DSN1: variants seen among roughly 807,000 people sequenced by gnomAD.
DSN1 encodes the protein DSN1 component of MIS12 kinetochore complex, also known as kinetochore-associated protein DSN1 homolog.
Under a neutral mutation model 45.7 loss-of-function variants are expected in DSN1, and 31 were observed. The ratio of observed to expected loss-of-function variants is 0.68; its 90% CI spans 0.51 to 0.92. DSN1 has a LOEUF of 0.92. DSN1 is among the 40% of genes least tolerant of loss of function. The pLI, the probability that DSN1 is intolerant of heterozygous loss-of-function variation, is 0.00. For synonymous variants in DSN1, 134 were observed against 142.3 expected (o/e 0.94, Z 0.41); for missense variants, 394 against 414.2 (o/e 0.95, Z 0.42).
chr20:36,755,508 C>T (rs1028120853), intron 9 of DSN1, among the ~76,000 whole-genome samples, 174 bp downstream of exon 9: 2 of 151,970 alleles, frequency 1.3e-5, no homozygotes, highest in African/African-American at 4.8e-5. Context: ...CAGCATTTAC[C>T]ACTATATATT....
At chr20:36,754,091 G>A (rs558760090) in intron 10 of DSN1, among the ~76,000 whole-genome samples, 1 of 152,246 alleles carries the variant, frequency 6.6e-6, no homozygotes, top group South Asian at 2.1e-4. Context: ...ACTTTGGGAG[G>A]CTGAGGCAGG....
chr20:36,771,998 A>G (rs1987674335), intron 1 of DSN1, among the ~76,000 whole-genome samples: 1 of 152,188 alleles, frequency 6.6e-6, no homozygotes, highest in Non-Finnish European at 1.5e-5. Flanking sequence ...CTCCTGCCTC[A>G]GCCTCCTGAG....
chr20:36,759,346 C>G (rs1039856502), intron 6 of DSN1, among the ~76,000 whole-genome samples: 19 of 152,076 alleles, frequency 1.2e-4, no homozygotes, highest in African/African-American at 4.3e-4. Context: ...AACTCCTGGG[C>G]TCAAGTGATC....
Position 36,773,694 on chromosome 20 carries a change from GC to G in DSN1, c.-49del. 3.0e-6 allele frequency: 3 copies of G among 985,708 alleles called. No individual in the cohort carries two copies. Among genetic ancestry groups the G allele is most frequent in the Non-Finnish European group, 3.6e-6 (3 of 830,126 alleles). 61.1% of individuals were successfully genotyped at this position (985,708 alleles called of 1,614,324 possible). The stretch of plus-strand genomic sequence containing the variant: ...ACAAGGCCACGGGTCGCTCTCCACA[GC>G]CCCAGGTCACTCCTGGACGCCTTGC... On this transcript the variant is annotated 5_prime_UTR_variant, in exon 1 of 11. Transcript: ENST00000373750.
intron 5 of DSN1, among the ~76,000 whole-genome samples, chr20:36,765,630 C>A (rs1364627336): frequency 2.0e-5 from 3 of 151,570 alleles, no homozygotes; most frequent in African/African-American, 7.3e-5. Context: ...AACCCCGGCT[C>A]TACAAAAAAT....
chr20:36,762,488 A>ACAAAAAT lies in DSN1; in HGVS notation c.562_563insATTTTTG (p.Leu188HisfsTer8). On this transcript the variant is annotated frameshift_variant, in exon 6 of 11. Transcript: ENST00000373750. LOFTEE classifies it high-confidence loss of function. Reference sequence around the variant, plus strand: ...ATTTGAATCTTCAAAACATTTTTGTAGAGTTCCATCAGTTTCCAGTCCGTC... The same window carrying ACAAAAAT: ...ATTTGAATCTTCAAAACATTTTTGTACAAAAATGAGTTCCATCAGTTTCCAGTCCGTC... 3.1e-6 allele frequency: 5 copies of ACAAAAAT among 1,613,748 alleles called. No individual in the cohort carries two copies. Among genetic ancestry groups the ACAAAAAT allele is most frequent in the Non-Finnish European group, 4.2e-6 (5 of 1,179,830 alleles).
At chr20:36,759,270 C>T (rs1194809146) in intron 6 of DSN1, among the ~76,000 whole-genome samples, 1 of 151,832 alleles carries the variant, frequency 6.6e-6, no homozygotes, top group African/African-American at 2.4e-5. Context: ...CGTGAGCCAC[C>T]ACACCCAGCC....
chr20:36,753,635 C>CAAAAAAAAAA (rs1290145844), intron 10 of DSN1, among the ~76,000 whole-genome samples: 1 of 49,856 alleles, frequency 2.0e-5, no homozygotes. Context: ...GAGACTGTCT[C>CAAAAAAAAAA]AAAAAAAAAA....
chr20:36,757,870 T>C (rs773802671), intron 8 of DSN1, among the ~76,000 whole-genome samples: 13 of 152,310 alleles, frequency 8.5e-5, no homozygotes, highest in Middle Eastern at 6.8e-3. Flanking sequence ...ACAGAAACAA[T>C]TGTGTTCTTG....
intron 6 of DSN1, among the ~76,000 whole-genome samples, chr20:36,760,227 G>C (rs568413136): frequency 6.6e-6 from 1 of 151,680 alleles, no homozygotes; most frequent in East Asian, 2.0e-4. Flanking sequence ...CTGGCCAACA[G>C]AGCGAGACTC....
chr20:36,765,784 C>T (rs1375737543), intron 5 of DSN1, among the ~76,000 whole-genome samples: 2 of 133,222 alleles, frequency 1.5e-5, no homozygotes, highest in Non-Finnish European at 3.1e-5. Flanking sequence ...GGCGACAGAG[C>T]GAGAGTCTGT....
chr20:36,758,421 T>C, intron 7 of DSN1, 137 bp downstream of exon 7: 1 of 752,196 alleles, frequency 1.3e-6, no homozygotes, highest in Non-Finnish European at 2.2e-6. Context: ...AATCTCAATA[T>C]GCAGCCTTCT....
chr20:36,756,709 C>T (rs1235471182), intron 8 of DSN1, among the ~76,000 whole-genome samples: 1 of 150,668 alleles, frequency 6.6e-6, no homozygotes, highest in African/African-American at 2.5e-5. Flanking sequence ...GACTAAGTGA[C>T]TTGCCCAAGG....
Position 36,759,609 on chromosome 20 carries a change from G to A in DSN1, c.591-992C>T, listed in dbSNP as rs547337327. Among the ~76,000 whole-genome samples the A allele has an allele frequency of 6.0e-5, 9 of 151,246 alleles. No homozygotes were observed. The South Asian group carries it at 6.3e-4, about 11-fold the overall frequency. Reference sequence around the variant, plus strand: ...TGCCATTCTCCTGCCTCAGCCTCCCGAGTAGCTGGGACTACAGGCGCCCGC... The same window carrying A: ...TGCCATTCTCCTGCCTCAGCCTCCCAAGTAGCTGGGACTACAGGCGCCCGC... On this transcript the variant is annotated intron_variant, in intron 6 of 10. Coordinates refer to ENST00000373750, the MANE Select transcript of DSN1 (RefSeq NM_001145315.2).
intron 8 of DSN1, 120 bp from the exon 9 acceptor site, chr20:36,755,949 C>G (rs2148258360): frequency 1.7e-6 from 2 of 1,158,954 alleles, no homozygotes; most frequent in Middle Eastern, 3.0e-4. Flanking sequence ...TATAGGCTCA[C>G]TTCTTAACAG....
At position 36,771,464 on chromosome 20, in the gene DSN1, G is replaced by A. The variant is rs745551673; in HGVS notation, c.-6C>T. 1.2e-6 allele frequency: 2 copies of A among 1,613,470 alleles called. No individual in the cohort carries two copies. The highest frequency in any genetic ancestry group is 1.7e-6 in the Non-Finnish European group (2 of 1,179,614). On this transcript the variant is annotated 5_prime_UTR_variant, in exon 2 of 11. Coordinates refer to ENST00000373750, the MANE Select transcript of DSN1 (RefSeq NM_001145315.2). The stretch of plus-strand genomic sequence containing the variant: ...GATCTAGTCACTGAAGTCATCCTAG[G>A]TGGTAAACTCTGAAAATAGGAAAAT...
chr20:36,768,776 A>G (rs1373757774), intron 3 of DSN1, among the ~76,000 whole-genome samples: 1 of 152,206 alleles, frequency 6.6e-6, no homozygotes, highest in Non-Finnish European at 1.5e-5. Flanking sequence ...CATTTTACAA[A>G]TGGGAAAACT....
chr20:36,772,338 G>A (rs1255429218), intron 1 of DSN1, among the ~76,000 whole-genome samples: 1 of 151,756 alleles, frequency 6.6e-6, no homozygotes, highest in East Asian at 1.9e-4. Context: ...GCCAAGGCTG[G>A]AGTGCAGTGG....
intron 3 of DSN1, among the ~76,000 whole-genome samples, chr20:36,769,982 TG>T (rs1987556722): frequency 8.0e-5 from 1 of 12,528 alleles, no homozygotes; most frequent in Non-Finnish European, 1.5e-4. Context: ...GAGGCGGGGG[TG>T]GGTGGGGTGC....
Sources: allele counts gnomAD v4.1 joint callset (sites outside exome capture counted in the v4.1 genomes callset), GRCh38; gene constraint gnomAD v4.1.1; transcripts MANE v1.5; gene names NCBI Gene and HGNC (gene_info 2026-07-23, HGNC 2026-07-21).